TFDP2: variants seen among roughly 807,000 people sequenced by gnomAD.
TFDP2 encodes transcription factor Dp-2 (E2F dimerization partner 2).
A neutral mutation model predicts 59.3 loss-of-function variants in TFDP2; 17 were observed. That is an observed-to-expected ratio of 0.29 (90% CI 0.20 to 0.43). TFDP2 has a LOEUF of 0.43. Among genes scored for constraint, TFDP2 ranks in the 20% least tolerant of loss-of-function variants. The pLI is 1.00. For missense variants in TFDP2, 391 were observed against 528.8 expected, an observed-to-expected ratio of 0.74 and a Z score of 2.56; for synonymous variants, 180 against 194.7, an observed-to-expected ratio of 0.92 and a Z score of 0.63.
chr3:142,148,941 G>A (rs75796769), intron 1 of TFDP2, among the ~76,000 whole-genome samples: 1,835 of 152,348 alleles, frequency 0.012, 40 homozygotes, highest in African/African-American at 0.042. Context: ...GCGTGACTCA[G>A]GGACGTTACC....
chr3:142,052,072 G>A (rs908869049), intron 3 of TFDP2, among the ~76,000 whole-genome samples: 1 of 152,142 alleles, frequency 6.6e-6, no homozygotes, highest in African/African-American at 2.4e-5. Flanking sequence ...GCTTCAGTGA[G>A]CTGTGACTGC....
At chr3:142,039,515 A>G (rs1360403966) in intron 3 of TFDP2, among the ~76,000 whole-genome samples, 4 of 151,988 alleles carry the variant, frequency 2.6e-5, no homozygotes, top group East Asian at 1.9e-4. Flanking sequence ...CACATACCCT[A>G]TTGCTGCTGG....
intron 3 of TFDP2, chr3:142,028,747 A>G: frequency 1.0e-6 from 1 of 984,284 alleles, no homozygotes; most frequent in Non-Finnish European, 1.2e-6. Flanking sequence ...AAAACTGTTT[A>G]GTTAACTGGC....
At position 141,949,207 on chromosome 3, in the gene TFDP2, G is replaced by A. The variant is rs1442642995; in HGVS notation, c.*3306C>T. The A allele has an allele frequency of 1.3e-5, 2 of 152,000 alleles. No individual in the cohort carries two copies. Among genetic ancestry groups the A allele is most frequent in the African/African-American group, 4.8e-5 (2 of 41,384 alleles). 9.4% of individuals were successfully genotyped at this position (152,000 alleles called of 1,614,324 possible). A position where few individuals can be genotyped will look rare whatever the true frequency, so the allele number is the denominator to read the frequency against. ...GTTAACAACTGTAAAATTTGCTAATGGAAGGAGTTATCCTCTTTATCCTGC... is the reference window on the plus strand; with the variant it reads ...GTTAACAACTGTAAAATTTGCTAATAGAAGGAGTTATCCTCTTTATCCTGC... On this transcript the variant is annotated 3_prime_UTR_variant, in exon 13 of 13. Coordinates refer to ENST00000489671, the MANE Select transcript of TFDP2 (RefSeq NM_001178139.2).
At chr3:142,144,257 C>T (rs1026382588) in intron 1 of TFDP2, among the ~76,000 whole-genome samples, 7 of 151,768 alleles carry the variant, frequency 4.6e-5, no homozygotes, top group African/African-American at 1.7e-4. Context: ...GCCTATAATC[C>T]CAGCTACTTG....
intron 3 of TFDP2, among the ~76,000 whole-genome samples, chr3:142,050,056 G>A (rs552724682): frequency 1.2e-4 from 18 of 151,520 alleles, no homozygotes; most frequent in African/African-American, 3.9e-4. Flanking sequence ...ATCACAGGCC[G>A]AGGTCAGGAG....
rs571505170 is a variant in TFDP2, at chr3:142,003,289, A to G, written c.186+2152T>C. 3.3e-5 allele frequency among the ~76,000 whole-genome samples: 5 copies of G among 151,848 alleles called. No homozygotes were observed. The East Asian group carries it at 7.8e-4, about 24-fold the overall frequency. On this transcript the variant is annotated intron_variant, in intron 4 of 12. Coordinates refer to ENST00000489671, the MANE Select transcript of TFDP2 (RefSeq NM_001178139.2). ...GCTGGGATTACAGACATGAGCCACC[A>G]CACCCGGCAATTTTTGTATTTTTAG...
At chr3:141,993,478 T>C in intron 6 of TFDP2, 60 bp downstream of exon 6, 1 of 1,106,902 alleles carries the variant, frequency 9.0e-7, no homozygotes, top group East Asian at 2.5e-5. Context: ...GCAGTGGCAA[T>C]GCCAACAGCC....
In TFDP2 at chr3:142,129,689, T is replaced by A. The variant is rs972058893; in HGVS notation, c.-93+19494A>T. Reference sequence around the variant, plus strand: ...CCTCAGCCTCCTGAGTAGTTGGGACTACAGGAAATGGTGGCTTGTGCCTGT... The same window carrying A: ...CCTCAGCCTCCTGAGTAGTTGGGACAACAGGAAATGGTGGCTTGTGCCTGT... On this transcript the variant is annotated intron_variant, in intron 1 of 12. Transcript: ENST00000489671. 1.3e-5 allele frequency among the ~76,000 whole-genome samples: 2 copies of A among 150,948 alleles called. 1 individual carries two copies. Among genetic ancestry groups the A allele is most frequent in the Non-Finnish European group, 3.0e-5 (2 of 67,540 alleles).
At chr3:142,044,074 C>T (rs1947186963) in intron 3 of TFDP2, 2 of 652,286 alleles carry the variant, frequency 3.1e-6, no homozygotes, top group Non-Finnish European at 5.7e-6. Context: ...GATCAGCTTC[C>T]GCATCTGCTG....
Position 142,125,540 on chromosome 3 carries a change from G to A in TFDP2, c.-93+23643C>T, listed in dbSNP as rs116834137. Among the ~76,000 whole-genome samples, 137 of 152,028 alleles carry A rather than the reference G, an allele frequency of 9.0e-4. 1 individual carries two copies. Among genetic ancestry groups the A allele is most frequent in the African/African-American group, 3.2e-3 (133 of 41,478 alleles). On this transcript the variant is annotated intron_variant, in intron 1 of 12. Coordinates refer to ENST00000489671, the MANE Select transcript of TFDP2 (RefSeq NM_001178139.2). ...TATATCTATATGGATACTCACTACA[G>A]TGTCATTTATATAGCAAAAGATTGG...
chr3:141,968,615 CAT>C (rs1223172813), intron 9 of TFDP2, among the ~76,000 whole-genome samples: 8 of 101,478 alleles, frequency 7.9e-5, no homozygotes, highest in South Asian at 2.8e-4. Flanking sequence ...ATATATATCT[CAT>C]ATATAGATAT....
chr3:142,042,304 T>C (rs1947017026), intron 3 of TFDP2, among the ~76,000 whole-genome samples: 1 of 152,174 alleles, frequency 6.6e-6, no homozygotes, highest in South Asian at 2.1e-4. Flanking sequence ...TGTTTCTTTT[T>C]TTTTTTGAGA....
At chr3:142,052,275 C>T (rs1299649106) in intron 3 of TFDP2, among the ~76,000 whole-genome samples, 1 of 151,948 alleles carries the variant, frequency 6.6e-6, no homozygotes, top group East Asian at 1.9e-4. Flanking sequence ...CGGTGGCTCA[C>T]GCCTATAATC....
At chr3:142,102,982 T>A (rs55838256) in intron 1 of TFDP2, among the ~76,000 whole-genome samples, 12,967 of 152,240 alleles carry the variant, frequency 0.085, 692 homozygotes, top group Middle Eastern at 0.14. Flanking sequence ...ACGCCTGTAA[T>A]CCCAGCACTT....
chr3:142,052,935 T>A (rs1312787206), intron 3 of TFDP2, among the ~76,000 whole-genome samples: 1 of 151,840 alleles, frequency 6.6e-6, no homozygotes, highest in Non-Finnish European at 1.5e-5. Context: ...TCAGCCTCCC[T>A]AGTAGCTGGG....
intron 11 of TFDP2, among the ~76,000 whole-genome samples, chr3:141,958,339 C>T (rs921347658): frequency 2.6e-5 from 4 of 152,064 alleles, no homozygotes; most frequent in African/African-American, 9.7e-5. Context: ...TATTAAATCA[C>T]ATGGATGACT....
At chr3:142,046,130 T>A (rs1390743607) in intron 3 of TFDP2, among the ~76,000 whole-genome samples, 1 of 152,218 alleles carries the variant, frequency 6.6e-6, no homozygotes, top group Non-Finnish European at 1.5e-5. Context: ...CCTGATTTAC[T>A]ATGGCGCTGA....
At chr3:142,107,681 A>C (rs540433426) in intron 1 of TFDP2, among the ~76,000 whole-genome samples, 1 of 152,284 alleles carries the variant, frequency 6.6e-6, no homozygotes, top group East Asian at 1.9e-4. Flanking sequence ...ATTTTACAGA[A>C]GACAAAACAG....
Sources: gnomAD v4.1 joint callset for allele counts (sites outside exome capture counted in the v4.1 genomes callset) on GRCh38, gnomAD v4.1.1 for gene constraint, MANE v1.5 for transcripts, NCBI Gene and HGNC (gene_info 2026-07-23, HGNC 2026-07-21) for gene names.